The following ZHX2 variants were observed in gnomAD, a reference collection of about 807,000 sequenced individuals.
ZHX2 encodes the protein zinc fingers and homeoboxes protein 2.
In ZHX2, 6 loss-of-function variants were observed where a neutral mutation model predicts 21.9. The observed-to-expected ratio is 0.27, with a 90% CI of 0.15 to 0.54. The LOEUF is 0.54. ZHX2 is among the 20% of genes least tolerant of loss of function. The pLI is 0.95. For synonymous variants in ZHX2, 434 were observed against 437.1 expected, an observed-to-expected ratio of 0.99 and a Z score of 0.09; for missense variants, 908 against 1,090.7, an observed-to-expected ratio of 0.83 and a Z score of 2.36.
chr8:122,789,494 T>G (rs1017352372), intron 1 of ZHX2, among the ~76,000 whole-genome samples: 4 of 152,200 alleles, frequency 2.6e-5, no homozygotes, highest in African/African-American at 7.2e-5. Context: ...GAAGATAGAT[T>G]AAGATATTTG....
intron 2 of ZHX2, among the ~76,000 whole-genome samples, chr8:122,915,146 G>A (rs1488324070): frequency 6.6e-5 from 10 of 152,268 alleles, no homozygotes; most frequent in Middle Eastern, 3.4e-3. Flanking sequence ...AGCTTTACAG[G>A]TAATGCAGTG....
At chr8:122,909,239 T>A (rs1332176176) in intron 2 of ZHX2, among the ~76,000 whole-genome samples, 2 of 152,056 alleles carry the variant, frequency 1.3e-5, no homozygotes, top group Admixed American at 1.3e-4. Context: ...AAGACCAGCT[T>A]GGCCCACAGG....
At position 122,948,465 on chromosome 8, in the gene ZHX2, T is replaced by C. The variant is rs796527873; in HGVS notation, c.-219-2827T>C. On this transcript the variant is annotated intron_variant, in intron 2 of 3. Coordinates refer to ENST00000314393, the MANE Select transcript of ZHX2 (RefSeq NM_014943.5). ...AATGCAGTTCCAATCAAAATTCTAA[T>C]AGAATTTTATTTCACAGGTGATATT... 1.3e-4 allele frequency among the ~76,000 whole-genome samples: 20 copies of C among 152,316 alleles called. 1 individual carries two copies. The highest frequency in any genetic ancestry group is 4.6e-4 in the African/African-American group (19 of 41,566).
chr8:122,817,398 G>A (rs1249899821), intron 1 of ZHX2, among the ~76,000 whole-genome samples: 1 of 152,174 alleles, frequency 6.6e-6, no homozygotes, highest in African/African-American at 2.4e-5. Context: ...GAGGCACTAG[G>A]AAGAGGAATG....
chr8:122,917,551 G>A (rs1820635073), intron 2 of ZHX2, among the ~76,000 whole-genome samples: 1 of 152,128 alleles, frequency 6.6e-6, no homozygotes, highest in African/African-American at 2.4e-5. Flanking sequence ...AATTATACTT[G>A]TCCCATCCTC....
chr8:122,959,903 A>C (rs971373268), intron 3 of ZHX2, among the ~76,000 whole-genome samples: 3 of 152,142 alleles, frequency 2.0e-5, no homozygotes, highest in African/African-American at 7.2e-5. Context: ...GTGGAGGCTT[A>C]GCCACCATGA....
rs760669195 is a variant in ZHX2, at chr8:122,952,935, G to A, written c.1425G>A (p.Val475=). 6.2e-7 allele frequency: 1 copy of A among 1,614,112 alleles called. No individual in the cohort carries two copies. The highest frequency in any genetic ancestry group is 8.5e-7 in the Non-Finnish European group (1 of 1,180,032). The change falls in exon 3 of 4, where the codon GTG becomes GTA. Residue 475 remains valine, a synonymous_variant. Transcript: ENST00000314393. This position sits in a 1 kb window ranked among gnomAD's most constrained non-coding sequence, Gnocchi z 6.9. The part of the protein sequence containing the change: ...DDAEVYRLIE[V]TGLARSEIKK... ...CCGAGGTTTACCGGCTCATCGAGGT[G>A]ACTGGCCTTGCCAGGAGCGAGATCA...
chr8:122,839,513 A>G (rs1265189519), intron 1 of ZHX2, among the ~76,000 whole-genome samples: 1 of 152,206 alleles, frequency 6.6e-6, no homozygotes, highest in African/African-American at 2.4e-5. Context: ...AGGGAACAAA[A>G]TAAGAACCTC....
At chr8:122,823,779 G>T (rs1205513773) in intron 1 of ZHX2, among the ~76,000 whole-genome samples, 1 of 152,136 alleles carries the variant, frequency 6.6e-6, no homozygotes, top group Admixed American at 6.5e-5. Context: ...ACCAGTTACG[G>T]CTGCTGTTGA....
intron 1 of ZHX2, among the ~76,000 whole-genome samples, chr8:122,799,949 C>T (rs751575588): frequency 6.6e-6 from 1 of 152,082 alleles, no homozygotes; most frequent in Non-Finnish European, 1.5e-5. Context: ...CTGCAACCTC[C>T]ACCTCCCAAA....
chr8:122,861,525 CTATT>C (rs762670796), intron 1 of ZHX2, among the ~76,000 whole-genome samples: 15 of 152,264 alleles, frequency 9.9e-5, no homozygotes, highest in Admixed American at 5.9e-4. Context: ...GTCTGTGAGT[CTATT>C]TAGTAAATTC....
chr8:122,897,742 C>G lies in ZHX2; in HGVS notation c.-220+34203C>G, dbSNP rs137990235. The stretch of plus-strand genomic sequence containing the variant: ...TCTATTTCCTTAAGCTGGTTCATGG[C>G]AAAGCCTCTTGCCTCTTGCCTCATG... On this transcript the variant is annotated intron_variant, in intron 2 of 3. Coordinates refer to ENST00000314393, the MANE Select transcript of ZHX2 (RefSeq NM_014943.5). 7.0e-3 allele frequency among the ~76,000 whole-genome samples: 1,062 copies of G among 151,718 alleles called. 4 individuals carry two copies. The highest frequency in any genetic ancestry group is 0.041 in the Middle Eastern group (12 of 290).
chr8:122,843,611 C>T (rs891624165), intron 1 of ZHX2, among the ~76,000 whole-genome samples: 9 of 152,150 alleles, frequency 5.9e-5, no homozygotes, highest in African/African-American at 1.4e-4. Flanking sequence ...TGGGTGGAAA[C>T]GGTGAACTGC....
At chr8:122,855,320 A>AT (rs1375196012) in intron 1 of ZHX2, among the ~76,000 whole-genome samples, 1 of 152,164 alleles carries the variant, frequency 6.6e-6, no homozygotes, top group Non-Finnish European at 1.5e-5. Flanking sequence ...TTTGTATGTG[A>AT]TTTTTTGAAA....
intron 1 of ZHX2, chr8:122,809,098 G>A (rs1403910104): frequency 2.0e-5 from 3 of 152,236 alleles, no homozygotes; most frequent in African/African-American, 7.2e-5. Context: ...AGGAATGGAA[G>A]GGCCCGGGAG....
intron 2 of ZHX2, among the ~76,000 whole-genome samples, chr8:122,918,813 C>G (rs1261206730): frequency 6.6e-6 from 1 of 151,858 alleles, no homozygotes; most frequent in Non-Finnish European, 1.5e-5. Flanking sequence ...GGCATGGTGG[C>G]AGCATGCACC....
intron 1 of ZHX2, among the ~76,000 whole-genome samples, chr8:122,807,513 A>C (rs1817846755): frequency 6.6e-6 from 1 of 152,178 alleles, no homozygotes; most frequent in Admixed American, 6.5e-5. Context: ...CTTTTACTTT[A>C]GATGGAGAAT....
intron 2 of ZHX2, among the ~76,000 whole-genome samples, chr8:122,922,625 C>T (rs1820767268): frequency 6.6e-6 from 1 of 152,238 alleles, no homozygotes; most frequent in Admixed American, 6.5e-5. Context: ...CCTGTTCCTT[C>T]TCCTCCATTT....
At chr8:122,798,642 G>A (rs976085472) in intron 1 of ZHX2, among the ~76,000 whole-genome samples, 1 of 152,144 alleles carries the variant, frequency 6.6e-6, no homozygotes, top group South Asian at 2.1e-4. Context: ...AATTAGCTGG[G>A]CGTGGTAGTA....
Sources: gnomAD v4.1 joint callset for allele counts (sites outside exome capture counted in the v4.1 genomes callset) on GRCh38, gnomAD v4.1.1 for gene constraint, Gnocchi (gnomAD v3.1) non-coding constraint, MANE v1.5 for transcripts, NCBI Gene and HGNC (gene_info 2026-07-23, HGNC 2026-07-21) for gene names.